MYO18A: variants seen among roughly 807,000 people sequenced by gnomAD.
MYO18A encodes myosin XVIIIA.
In MYO18A, 78 loss-of-function variants were observed where a neutral mutation model predicts 235.8. That is an observed-to-expected ratio of 0.33 (90% CI 0.28 to 0.40). MYO18A has a LOEUF of 0.40. MYO18A is among the 10% of genes least tolerant of loss of function. The pLI is 1.00. For missense variants in MYO18A, 2,215 were observed against 2,699.3 expected (o/e 0.82, Z 3.98); for synonymous variants, 977 against 1,077.8 (o/e 0.91, Z 1.83).
At chr17:29,103,013 G>A (rs2066693215) in intron 21 of MYO18A, among the ~76,000 whole-genome samples, 1 of 152,228 alleles carries the variant, frequency 6.6e-6, no homozygotes, top group African/African-American at 2.4e-5. Flanking sequence ...CTGCCTGTGG[G>A]AGGAATGCTC....
At chr17:29,176,470 C>T (rs1378441215) in intron 1 of MYO18A, 3 of 152,028 alleles carry the variant, frequency 2.0e-5, no homozygotes, top group Non-Finnish European at 4.4e-5. Flanking sequence ...TGGATAGATA[C>T]TTAGGTCAGT....
At chr17:29,175,973 G>T (rs1303594835) in intron 1 of MYO18A, among the ~76,000 whole-genome samples, 1 of 152,096 alleles carries the variant, frequency 6.6e-6, no homozygotes, top group Non-Finnish European at 1.5e-5. Flanking sequence ...GCAGAGAATT[G>T]CTTGAACCCC....
intron 18 of MYO18A, 131 bp from the exon 19 acceptor site, chr17:29,110,232 T>C: frequency 7.2e-7 from 1 of 1,379,386 alleles, no homozygotes; most frequent in Non-Finnish European, 9.7e-7. Context: ...ATGCTAAACC[T>C]GGACAACTCT....
At chr17:29,128,070 A>T (rs957501441) in intron 2 of MYO18A, 10 of 1,019,314 alleles carry the variant, frequency 9.8e-6, no homozygotes, top group Admixed American at 5.6e-5. Context: ...CCCTTCCCAG[A>T]AGACTGCTTG....
Position 29,115,720 on chromosome 17 carries a change from T to A in MYO18A, c.2171A>T (p.Gln724Leu). Residue 724 changes from glutamine (Q) to leucine (L), a missense_variant, in exon 12 of 42, where the codon CAG becomes CTG. By Grantham distance (113) the Gln-to-Leu change is moderately radical (BLOSUM62 -2). Transcript: ENST00000527372. The part of the protein sequence containing the change: ...FKHQHKGGTL[Q>L]RSTSFRQGPE... ...GCCCTGGCGGAAGGAGGTGGAGCGCTGCAGGGTGCCACCCTTGTGCTGGTG... is the reference window on the plus strand; with the variant it reads ...GCCCTGGCGGAAGGAGGTGGAGCGCAGCAGGGTGCCACCCTTGTGCTGGTG... The A allele has an allele frequency of 6.2e-7, 1 of 1,605,588 alleles. No homozygotes were observed. The highest frequency in any genetic ancestry group is 1.3e-5 in the African/African-American group (1 of 74,948).
intron 41 of MYO18A, chr17:29,080,112 A>T (rs2066081982): frequency 1.0e-6 from 1 of 985,812 alleles, no homozygotes; most frequent in African/African-American, 1.7e-5. Context: ...CATCAGCAGC[A>T]GAGGCGGAGC....
chr17:29,179,980 CG>C (rs2068612746), intron 1 of MYO18A, among the ~76,000 whole-genome samples: 1 of 151,938 alleles, frequency 6.6e-6, no homozygotes, highest in African/African-American at 2.4e-5. Context: ...CCCGCAGCTC[CG>C]GGCCACCTGG....
rs1567606565 is a variant in MYO18A, at chr17:29,116,724, CT to C, written c.2039-270del. On this transcript the variant is annotated intron_variant, in intron 10 of 41. Transcript: ENST00000527372. ...ACATGTGTGTGTGCGCAAACACACC[CT>C]CCCCCCCCCCCCCCCCCCCCGCCGG... Among the ~76,000 whole-genome samples, 16 of 19,368 alleles carry C rather than the reference CT, an allele frequency of 8.3e-4. 1 individual carries two copies. The highest frequency in any genetic ancestry group is 2.8e-3 in the South Asian group (1 of 362). The allele number at this position is 19,368 out of a possible 152,430, so 12.7% of individuals were successfully genotyped here. A position where few individuals can be genotyped will look rare whatever the true frequency, so the allele number is the denominator to read the frequency against.
chr17:29,107,802 G>A (rs1200104955), intron 19 of MYO18A: 1 of 151,826 alleles, frequency 6.6e-6, no homozygotes, highest in Non-Finnish European at 1.5e-5. Context: ...TGTAGTCCCA[G>A]CTACTCAGGA....
chr17:29,178,324 G>A (rs1368015002), intron 1 of MYO18A, among the ~76,000 whole-genome samples: 1 of 152,098 alleles, frequency 6.6e-6, no homozygotes, highest in Non-Finnish European at 1.5e-5. Context: ...GAGCTACCAG[G>A]CACCAGGTCA....
At chr17:29,099,912 A>C in intron 21 of MYO18A, 150 bp from the exon 22 acceptor site, 1 of 1,119,782 alleles carries the variant, frequency 8.9e-7, no homozygotes, top group Non-Finnish European at 1.2e-6. Flanking sequence ...CCAAGAGAGG[A>C]GGGGAGGAGC....
At chr17:29,137,830 AC>A (rs1390274871) in intron 2 of MYO18A, among the ~76,000 whole-genome samples, 2 of 152,210 alleles carry the variant, frequency 1.3e-5, no homozygotes, top group Non-Finnish European at 2.9e-5. Flanking sequence ...AATCTTGTAA[AC>A]TGTGTGAATT....
At chr17:29,080,898 G>A (rs957424140) in intron 41 of MYO18A, 32 of 985,366 alleles carry the variant, frequency 3.2e-5, no homozygotes, top group Non-Finnish European at 3.9e-5. Flanking sequence ...CCGCGTCCCC[G>A]GTGCCCCCGA....
chr17:29,139,491 C>A (rs1280007969), intron 2 of MYO18A, among the ~76,000 whole-genome samples: 3 of 152,114 alleles, frequency 2.0e-5, no homozygotes, highest in African/African-American at 7.2e-5. Flanking sequence ...TGAGGCAGGG[C>A]AGTCCTGAGC....
rs1040737729 is a variant in MYO18A, at chr17:29,072,782, T to C, written c.*1988A>G. 1 of 152,214 alleles carries C rather than the reference T, an allele frequency of 6.6e-6. No homozygotes were observed. Among genetic ancestry groups the C allele is most frequent in the Non-Finnish European group, 1.5e-5 (1 of 68,048 alleles). The allele number at this position is 152,214 out of a possible 1,614,324, so 9.4% of individuals were successfully genotyped here. A position where few individuals can be genotyped will look rare whatever the true frequency, so the allele number is the denominator to read the frequency against. ...CAAACTACTTTATTCATTCAGGGATTATAACTGGCCACACTACAGAATGAG... is the reference window on the plus strand; with the variant it reads ...CAAACTACTTTATTCATTCAGGGATCATAACTGGCCACACTACAGAATGAG... On this transcript the variant is annotated 3_prime_UTR_variant, in exon 42 of 42. Transcript: ENST00000527372.
Position 29,121,448 on chromosome 17 carries a change from A to C in MYO18A, c.1371+99T>G. 7.7e-7 allele frequency: 1 copy of C among 1,306,604 alleles called. No homozygotes were observed. Among genetic ancestry groups the C allele is most frequent in the Non-Finnish European group, 1.0e-6 (1 of 961,182 alleles). 80.9% of individuals were successfully genotyped at this position (1,306,604 alleles called of 1,614,324 possible). A position where few individuals can be genotyped will look rare whatever the true frequency, so the allele number is the denominator to read the frequency against. ...TCCTCTTCCCAAGGTCAACTGTGAGAGTGGACAGGAGCCCAGTGGGGTGCC... is the reference window on the plus strand; with the variant it reads ...TCCTCTTCCCAAGGTCAACTGTGAGCGTGGACAGGAGCCCAGTGGGGTGCC... On this transcript the variant is annotated intron_variant, in intron 5 of 41. Transcript: ENST00000527372. This position sits in a 1 kb window ranked among gnomAD's most constrained non-coding sequence, Gnocchi z 4.2.
intron 37 of MYO18A, among the ~76,000 whole-genome samples, chr17:29,089,733 C>T (rs2066350620): frequency 6.6e-6 from 1 of 152,178 alleles, no homozygotes. Context: ...GGTCCCTTGG[C>T]AGAAAGCAAG....
chr17:29,129,235 G>A (rs1567617708), intron 2 of MYO18A: 1 of 399,228 alleles, frequency 2.5e-6, no homozygotes, highest in Non-Finnish European at 3.4e-6. Flanking sequence ...CTCAAGCACT[G>A]AGGAGCCCAG....
In MYO18A at chr17:29,074,644, G is replaced by T; in HGVS notation, c.*126C>A. ...CTGGAAAGTGCCCCTGACAGAAGAA[G>T]GTCAGGGTGTTTCCCATGCAGATCA... On this transcript the variant is annotated 3_prime_UTR_variant, in exon 42 of 42. Transcript: ENST00000527372. The surrounding 1 kb of genome is among the most constrained non-coding windows in gnomAD (Gnocchi z 4.4). 9.6e-7 allele frequency: 1 copy of T among 1,037,908 alleles called. No individual in the cohort carries two copies. Among genetic ancestry groups the T allele is most frequent in the Non-Finnish European group, 1.5e-6 (1 of 685,166 alleles). The allele number at this position is 1,037,908 out of a possible 1,614,324, so 64.3% of individuals were successfully genotyped here.
Sources: gnomAD v4.1 joint callset for allele counts (sites outside exome capture counted in the v4.1 genomes callset) on GRCh38, gnomAD v4.1.1 for gene constraint, Gnocchi (gnomAD v3.1) non-coding constraint, MANE v1.5 for transcripts, NCBI Gene and HGNC (gene_info 2026-07-23, HGNC 2026-07-21) for gene names.